The following NCKAP5 variants were observed in gnomAD, a reference collection of about 807,000 sequenced individuals.
NCKAP5 encodes the protein nck-associated protein 5.
A neutral mutation model predicts 167.0 loss-of-function variants in NCKAP5; 92 were observed. That is an observed-to-expected ratio of 0.55 (90% CI 0.47 to 0.66). The LOEUF is 0.66. Among genes scored for constraint, NCKAP5 ranks in the 30% least tolerant of loss-of-function variants. The pLI is 0.00. For missense variants in NCKAP5, 2,378 were observed against 2,315.0 expected (o/e 1.03, Z -0.56); for synonymous variants, 891 against 877.4 (o/e 1.02, Z -0.27).
rs11353984 is a variant in NCKAP5 at position 132,986,067 on chromosome 2, T to TA, written c.429+8084dup. Reference sequence around the variant, plus strand: ...TTGTTTACCACATTTTGTTAAGGCTTAAAAAAAAAATAAGGAAAGAGAAAG... The same window carrying TA: ...TTGTTTACCACATTTTGTTAAGGCTTAAAAAAAAAAATAAGGAAAGAGAAAG... On this transcript the variant is annotated intron_variant, in intron 7 of 19. Coordinates refer to ENST00000409261, the MANE Select transcript of NCKAP5 (RefSeq NM_207363.3). 2.6e-4 allele frequency among the ~76,000 whole-genome samples: 39 copies of TA among 149,524 alleles called. No individual in the cohort carries two copies. The East Asian group carries it at 4.1e-3, about 16-fold the overall frequency.
chr2:132,808,602 T>C (rs1461244760), intron 11 of NCKAP5, among the ~76,000 whole-genome samples: 1 of 152,190 alleles, frequency 6.6e-6, no homozygotes, highest in Non-Finnish European at 1.5e-5. Flanking sequence ...GCGTCAGTTG[T>C]AATATCTCCT....
At chr2:133,165,859 TTCA>T (rs1470410054) in intron 5 of NCKAP5, among the ~76,000 whole-genome samples, 1 of 152,208 alleles carries the variant, frequency 6.6e-6, no homozygotes, top group East Asian at 1.9e-4. Flanking sequence ...CTAAGTTGAT[TTCA>T]TCATCAACTT....
At chr2:133,038,851 G>A (rs1480616231) in intron 6 of NCKAP5, among the ~76,000 whole-genome samples, 2 of 152,168 alleles carry the variant, frequency 1.3e-5, no homozygotes, top group African/African-American at 4.8e-5. Flanking sequence ...AATAGTCACA[G>A]GTTCTGAGTA....
At chr2:133,188,151 T>C (rs184952942) in intron 5 of NCKAP5, among the ~76,000 whole-genome samples, 445 of 152,148 alleles carry the variant, frequency 2.9e-3, no homozygotes, top group Non-Finnish European at 5.0e-3. Flanking sequence ...CTTCAGGAGC[T>C]CTTGTAAGGC....
intron 2 of NCKAP5, among the ~76,000 whole-genome samples, chr2:133,521,902 G>C (rs1052520576): frequency 6.6e-6 from 1 of 152,140 alleles, no homozygotes; most frequent in Admixed American, 6.5e-5. Flanking sequence ...AAAAAACTAA[G>C]GGAAACCTCC....
At chr2:133,310,119 G>T (rs1249114665) in intron 3 of NCKAP5, among the ~76,000 whole-genome samples, 1 of 152,200 alleles carries the variant, frequency 6.6e-6, no homozygotes, top group African/African-American at 2.4e-5. Context: ...TTAATAAAAA[G>T]GTATACCTGC....
At chr2:132,836,430 T>C (rs963422712) in intron 11 of NCKAP5, among the ~76,000 whole-genome samples, 3 of 152,104 alleles carry the variant, frequency 2.0e-5, no homozygotes, top group Admixed American at 6.5e-5. Context: ...TTGTTTGTTA[T>C]TGTTATTGGT....
intron 8 of NCKAP5, among the ~76,000 whole-genome samples, chr2:132,949,429 T>C (rs2076114944): frequency 6.6e-6 from 1 of 152,160 alleles, no homozygotes; most frequent in East Asian, 1.9e-4. Context: ...CAGAGCCTGC[T>C]GAAATCATTC....
chr2:132,768,410 G>A (rs1681708683), intron 16 of NCKAP5, among the ~76,000 whole-genome samples: 2 of 152,100 alleles, frequency 1.3e-5, no homozygotes, highest in Admixed American at 6.5e-5. Context: ...TAGACAATTA[G>A]TACAATACAT....
At position 133,167,125 on chromosome 2, in the gene NCKAP5, C is replaced by G. The variant is rs1025783312; in HGVS notation, c.208-37014G>C. On this transcript the variant is annotated intron_variant, in intron 5 of 19. Transcript: ENST00000409261. Reference sequence around the variant, plus strand: ...AACTTCAGCTTCCCTCAAGAATCCACTTACCTAAGAGCAAAAGAGGTATCC... The same window carrying G: ...AACTTCAGCTTCCCTCAAGAATCCAGTTACCTAAGAGCAAAAGAGGTATCC... 2.0e-5 allele frequency among the ~76,000 whole-genome samples: 3 copies of G among 152,206 alleles called. No homozygotes were observed. In the East Asian group the frequency reaches 5.8e-4, roughly 29 times the overall value.
chr2:132,942,424 C>G (rs1371818025), intron 8 of NCKAP5, among the ~76,000 whole-genome samples: 1 of 152,202 alleles, frequency 6.6e-6, no homozygotes, highest in African/African-American at 2.4e-5. Context: ...GATGTCGACA[C>G]TACTGGTCTA....
At chr2:132,766,081 A>G (rs1574127441) in intron 16 of NCKAP5, among the ~76,000 whole-genome samples, 1 of 151,934 alleles carries the variant, frequency 6.6e-6, no homozygotes, top group Admixed American at 6.6e-5. Context: ...GGAGATCAAA[A>G]CCATCCTAGC....
intron 4 of NCKAP5, among the ~76,000 whole-genome samples, chr2:133,263,040 C>T (rs1000500721): frequency 3.3e-5 from 5 of 152,188 alleles, no homozygotes; most frequent in African/African-American, 9.6e-5. Context: ...TCTCTCTCAA[C>T]TTCATTTGAA....
At chr2:133,037,999 C>A (rs1327624771) in intron 6 of NCKAP5, among the ~76,000 whole-genome samples, 2 of 152,014 alleles carry the variant, frequency 1.3e-5, no homozygotes. Flanking sequence ...CAAAAGAGAA[C>A]CCTTGTAAAC....
intron 6 of NCKAP5, among the ~76,000 whole-genome samples, chr2:133,004,710 G>T (rs977851130): frequency 6.6e-6 from 1 of 152,120 alleles, no homozygotes; most frequent in South Asian, 2.1e-4. Flanking sequence ...CAGGAAACAG[G>T]GTTTGAGAGT....
At chr2:133,450,147 GTGCA>G (rs1691460500) in intron 3 of NCKAP5, among the ~76,000 whole-genome samples, 1 of 143,628 alleles carries the variant, frequency 7.0e-6, no homozygotes, top group Non-Finnish European at 1.5e-5. Flanking sequence ...GCGTGCGTGC[GTGCA>G]CACACACAAC....
chr2:132,891,108 T>C (rs1692664697), intron 8 of NCKAP5, among the ~76,000 whole-genome samples: 1 of 152,232 alleles, frequency 6.6e-6, no homozygotes, highest in Admixed American at 6.5e-5. Flanking sequence ...GGTTCATTTT[T>C]GAAGAGTTGA....
chr2:132,868,324 C>T (rs897690063), intron 10 of NCKAP5, among the ~76,000 whole-genome samples: 2 of 152,056 alleles, frequency 1.3e-5, no homozygotes, highest in Non-Finnish European at 2.9e-5. Flanking sequence ...TACTGTCTGC[C>T]CCAATAATGT....
intron 3 of NCKAP5, among the ~76,000 whole-genome samples, chr2:133,469,732 A>C (rs1421680892): frequency 1.4e-4 from 21 of 150,684 alleles, no homozygotes; most frequent in South Asian, 1.1e-3. Flanking sequence ...TTTTCTCTAA[A>C]CTTCCCTTCT....
Sources: gnomAD v4.1 joint callset for allele counts (sites outside exome capture counted in the v4.1 genomes callset) on GRCh38, gnomAD v4.1.1 for gene constraint, MANE v1.5 for transcripts, NCBI Gene and HGNC (gene_info 2026-07-23, HGNC 2026-07-21) for gene names.